Variants in PDE11A observed in about 807,000 individuals in gnomAD.
PDE11A encodes the protein dual 3',5'-cyclic-AMP and -GMP phosphodiesterase 11A.
PDE11A carries 100 observed loss-of-function variants against 100.5 expected under a neutral mutation model. The observed-to-expected ratio is 1.00, with a 90% CI of 0.85 to 1.18. The LOEUF (loss-of-function observed/expected upper bound fraction) is 1.18. Ranked by LOEUF, PDE11A falls within the 50% of genes most tolerant of loss-of-function variation. PDE11A has a pLI of 0.00. For synonymous variants in PDE11A, 381 were observed against 420.8 expected (o/e 0.91, Z 1.16); for missense variants, 1,141 against 1,152.6 (o/e 0.99, Z 0.15).
intron 9 of PDE11A, among the ~76,000 whole-genome samples, chr2:177,815,782 G>A (rs889914952): frequency 6.6e-6 from 1 of 152,246 alleles, no homozygotes; most frequent in African/African-American, 2.4e-5. Flanking sequence ...CTTATATCTG[G>A]CTTGACACAC....
chr2:178,051,058 G>A (rs1479845796), intron 1 of PDE11A, among the ~76,000 whole-genome samples: 4 of 118,994 alleles, frequency 3.4e-5, no homozygotes, highest in Non-Finnish European at 7.1e-5. Context: ...ATAATTAACA[G>A]ATTCACCAAA....
chr2:177,774,405 A>G (rs948058465), intron 9 of PDE11A, among the ~76,000 whole-genome samples: 2 of 152,168 alleles, frequency 1.3e-5, no homozygotes, highest in Admixed American at 1.3e-4. Context: ...CAACAAATCC[A>G]TTGATGAATC....
chr2:178,072,459 C>A lies in PDE11A; in HGVS notation c.-22G>T. 1 of 1,612,684 alleles carries A rather than the reference C, an allele frequency of 6.2e-7. No individual in the cohort carries two copies. Among genetic ancestry groups the A allele is most frequent in the Admixed American group, 1.7e-5 (1 of 60,024 alleles). Reference sequence around the variant, plus strand: ...CCATGGTCCCAGACAGCTTTCCTTGCCTGTTTACACGTGAACCAAATGTTT... The same window carrying A: ...CCATGGTCCCAGACAGCTTTCCTTGACTGTTTACACGTGAACCAAATGTTT... On this transcript the variant is annotated 5_prime_UTR_variant, in exon 1 of 20. Coordinates refer to ENST00000286063, the MANE Select transcript of PDE11A (RefSeq NM_016953.4).
At chr2:177,944,723 G>A (rs1362824407) in intron 2 of PDE11A, among the ~76,000 whole-genome samples, 2 of 152,136 alleles carry the variant, frequency 1.3e-5, no homozygotes, top group Non-Finnish European at 2.9e-5. Flanking sequence ...GACCGCCGAG[G>A]TGCGGGCTGT....
chr2:178,003,769 T>C (rs1299130317), intron 2 of PDE11A, among the ~76,000 whole-genome samples: 1 of 152,220 alleles, frequency 6.6e-6, no homozygotes, highest in Non-Finnish European at 1.5e-5. Context: ...TTTAAATCCC[T>C]GGACTCAGTA....
intron 9 of PDE11A, among the ~76,000 whole-genome samples, chr2:177,785,267 T>C (rs1271117039): frequency 2.0e-5 from 3 of 151,716 alleles, no homozygotes; most frequent in African/African-American, 7.3e-5. Context: ...AGTGAGGCAG[T>C]GTAATATGAT....
At chr2:177,973,123 C>T (rs1217370630) in intron 2 of PDE11A, among the ~76,000 whole-genome samples, 1 of 151,388 alleles carries the variant, frequency 6.6e-6, no homozygotes, top group Non-Finnish European at 1.5e-5. Context: ...TCTACAGCTC[C>T]CAGCGTGAGC....
intron 19 of PDE11A, among the ~76,000 whole-genome samples, chr2:177,641,605 G>A (rs2080144534): frequency 6.6e-6 from 1 of 152,072 alleles, no homozygotes; most frequent in Admixed American, 6.6e-5. Flanking sequence ...GAAACTCAAG[G>A]TTGTGTAAAA....
At chr2:178,036,212 C>T (rs1327680726) in intron 1 of PDE11A, among the ~76,000 whole-genome samples, 3 of 152,182 alleles carry the variant, frequency 2.0e-5, no homozygotes, top group Non-Finnish European at 2.9e-5. Flanking sequence ...AAATCACAAG[C>T]ATTCCTATAT....
intron 9 of PDE11A, among the ~76,000 whole-genome samples, chr2:177,799,564 A>G (rs2082755377): frequency 6.6e-6 from 1 of 152,184 alleles, no homozygotes; most frequent in Admixed American, 6.6e-5. Flanking sequence ...ATCAATAACT[A>G]AAACTGATAA....
intron 5 of PDE11A, among the ~76,000 whole-genome samples, chr2:177,856,859 A>T (rs1177094874): frequency 6.6e-6 from 1 of 152,074 alleles, no homozygotes; most frequent in Non-Finnish European, 1.5e-5. Context: ...GCAAAAAAGG[A>T]GACAAAGGGT....
At chr2:178,072,868 C>T, upstream of PDE11A, 1 of 1,143,956 alleles carries the variant, frequency 8.7e-7, no homozygotes, top group Non-Finnish European at 1.1e-6. Context: ...GAGGAGGGAG[C>T]CGCGGACGCC....
At chr2:177,969,313 G>A (rs2085739095) in intron 2 of PDE11A, among the ~76,000 whole-genome samples, 1 of 152,102 alleles carries the variant, frequency 6.6e-6, no homozygotes, top group African/African-American at 2.4e-5. Flanking sequence ...AATACCTAAT[G>A]CATGTGGGGC....
At chr2:177,964,087 C>T (rs1408627278) in intron 2 of PDE11A, among the ~76,000 whole-genome samples, 1 of 151,924 alleles carries the variant, frequency 6.6e-6, no homozygotes, top group Non-Finnish European at 1.5e-5. Context: ...CCAGGTGATA[C>T]ATATAAATAA....
intron 7 of PDE11A, 50 bp from the exon 8 acceptor site, chr2:177,817,975 G>T (rs1574174251): frequency 1.1e-6 from 1 of 869,878 alleles, no homozygotes. Context: ...TGGACATTGT[G>T]TTTCTCTAAT....
At chr2:177,742,368 C>A (rs2081885153) in intron 10 of PDE11A, among the ~76,000 whole-genome samples, 1 of 152,152 alleles carries the variant, frequency 6.6e-6, no homozygotes, top group African/African-American at 2.4e-5. Flanking sequence ...CAGCTCTAAT[C>A]CTCTCTATTG....
At chr2:177,675,894 T>C in intron 16 of PDE11A, 1 of 349,172 alleles carries the variant, frequency 2.9e-6, no homozygotes, top group South Asian at 2.3e-5. Flanking sequence ...TAACACTATA[T>C]ACATGGCTGA....
intron 1 of PDE11A, among the ~76,000 whole-genome samples, chr2:178,053,459 AG>A (rs1471681797): frequency 2.6e-5 from 4 of 152,230 alleles, no homozygotes; most frequent in African/African-American, 9.6e-5. Context: ...GGCAGAAGAC[AG>A]GGATGCCCTC....
intron 5 of PDE11A, among the ~76,000 whole-genome samples, chr2:177,851,815 G>T (rs1461025661): frequency 6.6e-6 from 1 of 152,024 alleles, no homozygotes; most frequent in Non-Finnish European, 1.5e-5. Flanking sequence ...CATGCGTCAT[G>T]GGGGTTTGTT....
Sources: allele counts gnomAD v4.1 joint callset (sites outside exome capture counted in the v4.1 genomes callset), GRCh38; gene constraint gnomAD v4.1.1; transcripts MANE v1.5; gene names NCBI Gene and HGNC (gene_info 2026-07-23, HGNC 2026-07-21).